Variants in TNIK observed in about 807,000 individuals in gnomAD.
TNIK encodes the protein TRAF2 and NCK-interacting protein kinase.
Under a neutral mutation model 191.3 loss-of-function variants are expected in TNIK, and 49 were observed. The observed-to-expected ratio is 0.26, with a 90% CI of 0.20 to 0.32. TNIK has a LOEUF of 0.32. TNIK is among the 10% of genes least tolerant of loss of function. TNIK has a pLI of 1.00. For missense variants in TNIK, 1,155 were observed against 1,702.3 expected, an observed-to-expected ratio of 0.68 and a Z score of 5.66; for synonymous variants, 594 against 600.9, an observed-to-expected ratio of 0.99 and a Z score of 0.17.
intron 2 of TNIK, among the ~76,000 whole-genome samples, chr3:171,310,927 T>A (rs1753951634): frequency 6.6e-6 from 1 of 152,204 alleles, no homozygotes. Flanking sequence ...CAAGCACTTA[T>A]GAAACATGTG....
chr3:171,079,468 T>C (rs553627940), intron 28 of TNIK, 50 bp downstream of exon 28: 21 of 1,587,260 alleles, frequency 1.3e-5, no homozygotes, highest in African/African-American at 5.4e-5. Flanking sequence ...ACTAAGTAAG[T>C]CTGATTGAGT....
intron 2 of TNIK, among the ~76,000 whole-genome samples, chr3:171,263,069 C>T (rs1186380187): frequency 2.0e-5 from 3 of 152,174 alleles, no homozygotes; most frequent in African/African-American, 7.2e-5. Flanking sequence ...AGCTAAAAGC[C>T]TTCCAACTGA....
chr3:171,079,798 T>C, intron 27 of TNIK, 146 bp from the exon 28 acceptor site: 1 of 1,011,238 alleles, frequency 9.9e-7, no homozygotes, highest in South Asian at 2.1e-5. Context: ...CAGCACTTTG[T>C]CATTAAAATG....
At chr3:171,262,422 C>T (rs949237827) in intron 2 of TNIK, among the ~76,000 whole-genome samples, 2 of 152,082 alleles carry the variant, frequency 1.3e-5, no homozygotes, top group African/African-American at 4.8e-5. Context: ...TGTCTTGTCC[C>T]CCAGAGTCCA....
chr3:171,271,070 G>A (rs185728767), intron 2 of TNIK, among the ~76,000 whole-genome samples: 13 of 152,244 alleles, frequency 8.5e-5, no homozygotes, highest in Admixed American at 2.0e-4. Flanking sequence ...CTGATACATG[G>A]TAGAGACTCA....
At position 171,059,893 on chromosome 3, in the gene TNIK, A is replaced by T. The variant is rs1300721580; in HGVS notation, c.*3988T>A. Among the ~76,000 whole-genome samples, 1 of 152,226 alleles carries T rather than the reference A, an allele frequency of 6.6e-6. No individual in the cohort carries two copies. On this transcript the variant is annotated 3_prime_UTR_variant, in exon 33 of 33. Coordinates refer to ENST00000436636, the MANE Select transcript of TNIK (RefSeq NM_015028.4). ...TAGAGACTGTTGAAATGATCAGAAC[A>T]TGGTACCAGTGGTGATTCTGGAATA...
At chr3:171,373,261 T>G (rs7629429) in intron 1 of TNIK, among the ~76,000 whole-genome samples, 128,494 of 152,070 alleles carry the variant, frequency 0.84, 54,848 homozygotes, top group Non-Finnish European at 0.91. Flanking sequence ...TTTGAGGCAT[T>G]TATACTCCTG....
intron 15 of TNIK, among the ~76,000 whole-genome samples, chr3:171,135,030 G>A (rs1267576089): frequency 6.6e-6 from 1 of 152,168 alleles, no homozygotes; most frequent in Non-Finnish European, 1.5e-5. Context: ...GGCACATGGG[G>A]CAAAATAGTC....
At chr3:171,137,108 CTT>C (rs71176593) in intron 15 of TNIK, among the ~76,000 whole-genome samples, 29 of 104,150 alleles carry the variant, frequency 2.8e-4, no homozygotes, top group African/African-American at 8.7e-4. Flanking sequence ...TTTAAAAATC[CTT>C]TTTTTTTTTT....
chr3:171,203,873 A>C (rs16855954), intron 4 of TNIK, among the ~76,000 whole-genome samples: 5,299 of 152,298 alleles, frequency 0.035, 296 homozygotes, highest in African/African-American at 0.12. Context: ...TGATGAATAG[A>C]TTATTGAGCC....
intron 2 of TNIK, among the ~76,000 whole-genome samples, chr3:171,239,249 G>C (rs761610583): frequency 2.6e-5 from 4 of 152,170 alleles, no homozygotes; most frequent in Non-Finnish European, 4.4e-5. Flanking sequence ...TATAAGTCAT[G>C]TGAAGTTTTA....
At chr3:171,186,034 C>T (rs540594613) in intron 7 of TNIK, among the ~76,000 whole-genome samples, 20 of 152,298 alleles carry the variant, frequency 1.3e-4, no homozygotes, top group South Asian at 6.2e-4. Context: ...GTGAAATCCT[C>T]GGGCTTTGAT....
intron 2 of TNIK, among the ~76,000 whole-genome samples, chr3:171,323,387 T>C (rs1755384826): frequency 6.6e-6 from 1 of 152,210 alleles, no homozygotes; most frequent in Non-Finnish European, 1.5e-5. Flanking sequence ...CAGAAAACTC[T>C]ATCAGGCTTA....
chr3:171,189,759 CTGTT>C, intron 6 of TNIK, among the ~76,000 whole-genome samples: 1 of 152,216 alleles, frequency 6.6e-6, no homozygotes, highest in African/African-American at 2.4e-5. Context: ...CAACAAGTAA[CTGTT>C]AATTAGTGAA....
chr3:171,196,850 G>A (rs1738741367), intron 4 of TNIK, among the ~76,000 whole-genome samples: 2 of 152,224 alleles, frequency 1.3e-5, no homozygotes, highest in South Asian at 4.1e-4. Context: ...CACCTCTTGG[G>A]TTCACACCAT....
At chr3:171,437,677 T>C (rs1726197319) in intron 1 of TNIK, among the ~76,000 whole-genome samples, 1 of 152,240 alleles carries the variant, frequency 6.6e-6, no homozygotes, top group African/African-American at 2.4e-5. Context: ...TCTGCCACCA[T>C]GTAGATTCCA....
chr3:171,281,942 A>G (rs1353114488), intron 2 of TNIK, among the ~76,000 whole-genome samples: 3 of 152,232 alleles, frequency 2.0e-5, no homozygotes, highest in Non-Finnish European at 4.4e-5. Flanking sequence ...GCCTGACTGA[A>G]TTAGTAACTA....
intron 2 of TNIK, among the ~76,000 whole-genome samples, chr3:171,359,609 C>T (rs1400225184): frequency 6.6e-6 from 1 of 152,088 alleles, no homozygotes; most frequent in Non-Finnish European, 1.5e-5. Flanking sequence ...CATTCTAGAC[C>T]CTCACCACCA....
intron 1 of TNIK, among the ~76,000 whole-genome samples, chr3:171,422,250 T>C (rs2108633729): frequency 6.6e-6 from 1 of 152,206 alleles, no homozygotes; most frequent in Middle Eastern, 3.4e-3. Flanking sequence ...TTTAATGCAC[T>C]CTCTGGAAAT....
Sources: gnomAD v4.1 joint callset for allele counts (sites outside exome capture counted in the v4.1 genomes callset) on GRCh38, gnomAD v4.1.1 for gene constraint, MANE v1.5 for transcripts, NCBI Gene and HGNC (gene_info 2026-07-23, HGNC 2026-07-21) for gene names.